R3HDM1: variants seen among roughly 807,000 people sequenced by gnomAD.
The protein encoded by R3HDM1 is R3H domain containing 1.
A neutral mutation model predicts 141.1 loss-of-function variants in R3HDM1; 46 were observed. The ratio of observed to expected loss-of-function variants is 0.33; its 90% CI spans 0.26 to 0.42. The LOEUF is 0.42. Among genes scored for constraint, R3HDM1 ranks in the 10% least tolerant of loss-of-function variants. The probability of loss-of-function intolerance (pLI) is 1.00; values close to 1 mark genes in which losing one functional copy is unlikely to be tolerated. For synonymous variants in R3HDM1, 435 were observed against 472.9 expected (o/e 0.92, Z 1.04); for missense variants, 1,184 against 1,368.3 (o/e 0.87, Z 2.12).
intron 21 of R3HDM1, among the ~76,000 whole-genome samples, chr2:135,686,901 T>C (rs984832944): frequency 2.0e-5 from 3 of 152,148 alleles, no homozygotes; most frequent in Admixed American, 2.0e-4. Context: ...GTATGACCTC[T>C]AAAATAGTCA....
chr2:135,724,273 A>T lies in R3HDM1; in HGVS notation c.3386A>T (p.Glu1129Val). 19 of 1,611,852 alleles carry T rather than the reference A, an allele frequency of 1.2e-5. No individual in the cohort carries two copies. Among genetic ancestry groups the T allele is most frequent in the Non-Finnish European group, 1.5e-5 (18 of 1,178,660 alleles). Reference protein sequence around the residue: ...SKKHYDFHILERASSQ With the variant: ...SKKHYDFHILVRASSQ ...AAGCACTATGACTTTCACATTTTGG[A>T]AAGGGCAAGTTCTCAGTAACAGCCA... The change falls in exon 27 of 27, where the codon GAA (glutamate) becomes GTA (valine). Residue 1129 changes from glutamate (E) to valine (V), a missense_variant. Physicochemically the swap from Glu to Val is moderately radical, Grantham distance 121. Around this residue, in one of 5 missense-constraint regions of R3HDM1, gnomAD observed 182 missense variants for 252.6 expected, o/e 0.72. Coordinates refer to ENST00000683871, the MANE Select transcript of R3HDM1 (RefSeq NM_001378107.1).
Position 135,675,346 on chromosome 2 carries a change from C to A in R3HDM1, c.2167C>A (p.Pro723Thr). The stretch of plus-strand genomic sequence containing the variant: ...TACCATTACAGGTTATCAAGTTATA[C>A]CCAACCAGCAGCAAAACTACCAAGG... ...PAQQTGYQVI[P>T]NQQQNYQGIV... Residue 723 changes from proline (P) to threonine (T), a missense_variant, in exon 20 of 27, where the codon CCC (proline) becomes ACC (threonine). By Grantham distance (38) the Pro-to-Thr change is conservative (BLOSUM62 -1). Transcript: ENST00000683871. 6.2e-7 allele frequency: 1 copy of A among 1,613,618 alleles called. No individual in the cohort carries two copies. The highest frequency in any genetic ancestry group is 8.5e-7 in the Non-Finnish European group (1 of 1,179,744).
At chr2:135,694,127 C>G (rs894790730) in intron 21 of R3HDM1, among the ~76,000 whole-genome samples, 16 of 152,308 alleles carry the variant, frequency 1.1e-4, no homozygotes, top group African/African-American at 3.6e-4. Context: ...CAAGTAACTT[C>G]TAAACTTTTC....
intron 1 of R3HDM1, among the ~76,000 whole-genome samples, chr2:135,581,022 T>C (rs940743021): frequency 1.3e-5 from 2 of 152,216 alleles, no homozygotes; most frequent in East Asian, 3.8e-4. Context: ...TGGCATCCTT[T>C]AGTTCCCCTG....
chr2:135,659,822 T>G (rs2066458992), intron 18 of R3HDM1, among the ~76,000 whole-genome samples: 1 of 152,208 alleles, frequency 6.6e-6, no homozygotes, highest in African/African-American at 2.4e-5. Context: ...TTACCAAGTC[T>G]TATTTATATA....
intron 18 of R3HDM1, among the ~76,000 whole-genome samples, chr2:135,654,262 A>G (rs2065495695): frequency 6.6e-6 from 1 of 151,802 alleles, no homozygotes; most frequent in Admixed American, 6.6e-5. Context: ...ATTTAACATA[A>G]TATTTTCAAA....
intron 1 of R3HDM1, among the ~76,000 whole-genome samples, chr2:135,539,288 G>A (rs985226273): frequency 6.6e-6 from 1 of 152,064 alleles, no homozygotes; most frequent in African/African-American, 2.4e-5. Flanking sequence ...ATTACGTGCT[G>A]TACATATGTA....
chr2:135,664,017 G>A (rs2067125511), intron 19 of R3HDM1, among the ~76,000 whole-genome samples: 1 of 135,346 alleles, frequency 7.4e-6, no homozygotes, highest in Admixed American at 7.8e-5. Flanking sequence ...CTGGGCAACA[G>A]AGTGAGACTG....
At chr2:135,661,058 A>T (rs1428089655) in intron 18 of R3HDM1, among the ~76,000 whole-genome samples, 1 of 152,100 alleles carries the variant, frequency 6.6e-6, no homozygotes, top group East Asian at 1.9e-4. Flanking sequence ...CAAAAAAATT[A>T]AAATCTAAAT....
At chr2:135,621,334 A>T (rs922215118) in intron 5 of R3HDM1, among the ~76,000 whole-genome samples, 160 bp from the exon 6 acceptor site, 10 of 152,080 alleles carry the variant, frequency 6.6e-5, no homozygotes, top group African/African-American at 2.4e-4. Flanking sequence ...TGATAAAAGT[A>T]GTAAAGTATT....
chr2:135,571,857 C>T (rs556173216), intron 1 of R3HDM1, among the ~76,000 whole-genome samples: 1 of 152,304 alleles, frequency 6.6e-6, no homozygotes, highest in East Asian at 1.9e-4. Context: ...AACTCCTGGA[C>T]TCAAGCGATC....
At chr2:135,661,529 A>G (rs2066709421) in intron 19 of R3HDM1, 136 bp downstream of exon 19, 4 of 1,131,858 alleles carry the variant, frequency 3.5e-6, no homozygotes, top group Middle Eastern at 2.1e-4. Flanking sequence ...TTGCAAACCA[A>G]TGAGATTAAA....
At chr2:135,582,454 C>T (rs1018903147) in intron 1 of R3HDM1, among the ~76,000 whole-genome samples, 1 of 152,080 alleles carries the variant, frequency 6.6e-6, no homozygotes, top group East Asian at 1.9e-4. Flanking sequence ...TCAGTAAAAG[C>T]AGAATCTTAA....
intron 6 of R3HDM1, 181 bp from the exon 7 acceptor site, chr2:135,622,473 A>G (rs1322892478): frequency 5.1e-6 from 5 of 983,962 alleles, no homozygotes; most frequent in Admixed American, 1.2e-4. Context: ...TGTCATGCAC[A>G]TTATATGGGA....
In R3HDM1 at chr2:135,621,503, C is replaced by A; in HGVS notation, c.313C>A (p.Gln105Lys). Residue 105 changes from glutamine (Q) to lysine (K), a missense_variant, in exon 6 of 27, where the codon CAG becomes AAG. Physicochemically the swap from Gln to Lys is moderately conservative, Grantham distance 53. This residue lies in a region of R3HDM1 where 192 missense variants were observed against 215.7 expected (regional missense o/e 0.89). Transcript: ENST00000683871. ...CTTTGCCTTCCAACAGGAGAAAATTCAGATCCAGTTAACACAATCATTTGA... is the reference window on the plus strand; with the variant it reads ...CTTTGCCTTCCAACAGGAGAAAATTAAGATCCAGTTAACACAATCATTTGA... The part of the protein sequence containing the change: ...EISQENQEKI[Q>K]IQLTQSFEKE... 1 of 1,562,856 alleles carries A rather than the reference C, an allele frequency of 6.4e-7. No individual in the cohort carries two copies. The highest frequency in any genetic ancestry group is 8.6e-7 in the Non-Finnish European group (1 of 1,157,938).
chr2:135,600,671 A>G (rs2059554795), intron 1 of R3HDM1, among the ~76,000 whole-genome samples: 1 of 152,218 alleles, frequency 6.6e-6, no homozygotes, highest in African/African-American at 2.4e-5. Context: ...TCTATATGCC[A>G]TTGACTCCTT....
chr2:135,576,556 ACAGGTTTTCATAG>A (rs1446207899), intron 1 of R3HDM1, among the ~76,000 whole-genome samples: 1 of 152,220 alleles, frequency 6.6e-6, no homozygotes, highest in African/African-American at 2.4e-5. Flanking sequence ...CAACATGTAC[ACAGGTTTTCATAG>A]CATTATTCAT....
chr2:135,568,024 T>C lies in R3HDM1; in HGVS notation c.-249-34476T>C, dbSNP rs1263794043. ...GCCTTGGCCTCCCAAAGTGCTGGGATTACAGGCCTGAGCCACCATGCCTGG... is the reference window on the plus strand; with the variant it reads ...GCCTTGGCCTCCCAAAGTGCTGGGACTACAGGCCTGAGCCACCATGCCTGG... On this transcript the variant is annotated intron_variant, in intron 1 of 26. Coordinates refer to ENST00000683871, the MANE Select transcript of R3HDM1 (RefSeq NM_001378107.1). Among the ~76,000 whole-genome samples the C allele has an allele frequency of 6.0e-5, 9 of 150,944 alleles. 1 individual carries two copies. Among genetic ancestry groups the C allele is most frequent in the African/African-American group, 2.2e-4 (9 of 40,810 alleles).
intron 1 of R3HDM1, among the ~76,000 whole-genome samples, chr2:135,586,063 G>C (rs1357052297): frequency 6.6e-6 from 1 of 152,112 alleles, no homozygotes; most frequent in Non-Finnish European, 1.5e-5. Flanking sequence ...TGTTCTTTAA[G>C]GAATTATAGA....
Sources: gnomAD v4.1 joint callset for allele counts (sites outside exome capture counted in the v4.1 genomes callset) on GRCh38, gnomAD v4.1.1 for gene constraint, gnomAD v4.1.1 regional missense constraint, MANE v1.5 for transcripts, NCBI Gene and HGNC (gene_info 2026-07-23, HGNC 2026-07-21) for gene names.